The following ARFGEF1 variants were observed in gnomAD, a reference collection of about 807,000 sequenced individuals.
ARFGEF1 encodes ARF guanine nucleotide exchange factor 1.
ARFGEF1 carries 42 observed loss-of-function variants against 231.0 expected under a neutral mutation model. That is an observed-to-expected ratio of 0.18 (90% CI 0.14 to 0.24). The LOEUF is 0.24. Among genes scored for constraint, ARFGEF1 ranks in the 10% least tolerant of loss-of-function variants. The pLI is 1.00. For synonymous variants in ARFGEF1, 710 were observed against 732.3 expected (o/e 0.97, Z 0.49); for missense variants, 1,345 against 2,192.0 (o/e 0.61, Z 7.72).
chr8:67,186,465 C>A (rs1834622664), intron 5 of ARFGEF1, among the ~76,000 whole-genome samples: 1 of 151,424 alleles, frequency 6.6e-6, no homozygotes, highest in Non-Finnish European at 1.5e-5. Context: ...AACTCTATGC[C>A]CACAAATCTG....
chr8:67,184,363 A>G (rs958619450), intron 5 of ARFGEF1, among the ~76,000 whole-genome samples: 3 of 152,208 alleles, frequency 2.0e-5, no homozygotes, highest in African/African-American at 7.2e-5. Flanking sequence ...AATCAATGAA[A>G]CCAAGAGTTA....
intron 22 of ARFGEF1, 23 bp from the exon 23 acceptor site, chr8:67,232,968 A>T (rs374728404): frequency 3.4e-5 from 53 of 1,565,574 alleles, no homozygotes; most frequent in Non-Finnish European, 4.6e-5. Context: ...AAAAAAAGTC[A>T]TTTCAGTTTG....
intron 1 of ARFGEF1, among the ~76,000 whole-genome samples, chr8:67,310,232 C>T (rs1333317954): frequency 3.3e-5 from 5 of 151,152 alleles, no homozygotes; most frequent in South Asian, 2.1e-4. Context: ...CTCAGCCTGC[C>T]GAGTGCCTGC....
intron 30 of ARFGEF1, among the ~76,000 whole-genome samples, chr8:67,218,639 A>G (rs1307873341): frequency 6.6e-6 from 1 of 152,062 alleles, no homozygotes; most frequent in Admixed American, 6.6e-5. Context: ...AGTGTAATTT[A>G]TTTTTTTCAA....
At chr8:67,312,802 A>G (rs1486780716) in intron 1 of ARFGEF1, among the ~76,000 whole-genome samples, 1 of 152,216 alleles carries the variant, frequency 6.6e-6, no homozygotes, top group Non-Finnish European at 1.5e-5. Context: ...AAATGGAGCT[A>G]AGGTTTTTCT....
rs1480632060 is a variant in ARFGEF1, at chr8:67,320,874, T to C, written c.125-18408A>G. ...TACTCGGGAGGCTGAGGCAGGAGAA[T>C]TGCTTGAACCCAGGAAGAGGTTGCA... On this transcript the variant is annotated intron_variant, in intron 1 of 38. Transcript: ENST00000262215. Among the ~76,000 whole-genome samples the C allele has an allele frequency of 3.3e-5, 5 of 152,044 alleles. No homozygotes were observed. In the East Asian group the frequency reaches 7.7e-4, roughly 23 times the overall value.
chr8:67,235,127 T>C (rs1342805779), intron 22 of ARFGEF1, among the ~76,000 whole-genome samples: 2 of 148,970 alleles, frequency 1.3e-5, no homozygotes, highest in Non-Finnish European at 1.5e-5. Flanking sequence ...CACACACGTG[T>C]CAAAATATGT....
intron 1 of ARFGEF1, among the ~76,000 whole-genome samples, chr8:67,319,644 G>A (rs114109770): frequency 0.013 from 1,908 of 152,090 alleles, 42 homozygotes; most frequent in African/African-American, 0.044. Flanking sequence ...GTTTGGATTC[G>A]GCAGAGTTCT....
chr8:67,187,433 C>T (rs1211800020), intron 5 of ARFGEF1, among the ~76,000 whole-genome samples: 1 of 152,048 alleles, frequency 6.6e-6, no homozygotes, highest in Non-Finnish European at 1.5e-5. Context: ...CAGTGGCTCA[C>T]ACCTGTAGTT....
At position 67,278,233 on chromosome 8, in the gene ARFGEF1, T is replaced by C. The variant is rs544979150; in HGVS notation, c.1028-776A>G. On this transcript the variant is annotated intron_variant, in intron 7 of 38. Transcript: ENST00000262215. ...GACACATGCTGTACTATAAGGAACA[T>C]AGATTCTGAAATATTAAAGACCTGT... 1.2e-4 allele frequency among the ~76,000 whole-genome samples: 18 copies of C among 152,250 alleles called. 1 individual carries two copies. The highest frequency in any genetic ancestry group is 1.3e-4 in the Admixed American group (2 of 15,306).
rs1371936566 is a variant in ARFGEF1, at chr8:67,244,274, G to GA, written c.2851-3985dup. Among the ~76,000 whole-genome samples, 4 of 11,706 alleles carry GA rather than the reference G, an allele frequency of 3.4e-4. 2 individuals are homozygous for GA. The highest frequency in any genetic ancestry group is 1.4e-3 in the African/African-American group (2 of 1,456). The allele number at this position is 11,706 out of a possible 152,430, so 7.7% of individuals were successfully genotyped here. A position where few individuals can be genotyped will look rare whatever the true frequency, so the allele number is the denominator to read the frequency against. On this transcript the variant is annotated intron_variant, in intron 19 of 38. Transcript: ENST00000262215. Reference sequence around the variant, plus strand: ...AAAAAAAAAAAAAAAAAAAACATTCGACTACTGAGTCTCTCGTCTCTCTCT... The same window carrying GA: ...AAAAAAAAAAAAAAAAAAAACATTCGAACTACTGAGTCTCTCGTCTCTCTCT...
chr8:67,290,763 C>G (rs1271937822), intron 6 of ARFGEF1, among the ~76,000 whole-genome samples: 1 of 152,078 alleles, frequency 6.6e-6, no homozygotes, highest in Non-Finnish European at 1.5e-5. Flanking sequence ...CAAGGGCAGG[C>G]TAGACAAATG....
chr8:67,284,282 C>T (rs1805658353), intron 7 of ARFGEF1, among the ~76,000 whole-genome samples: 1 of 152,068 alleles, frequency 6.6e-6, no homozygotes, highest in Non-Finnish European at 1.5e-5. Context: ...AACGCCTTTG[C>T]TTACATCTCT....
intron 22 of ARFGEF1, 145 bp downstream of exon 22, chr8:67,238,197 TA>T: frequency 1.3e-6 from 1 of 787,806 alleles, no homozygotes; most frequent in Non-Finnish European, 1.9e-6. Flanking sequence ...AAAAAAGATT[TA>T]GTTCCTTAGT....
At chr8:67,332,123 A>G (rs1808127601) in intron 1 of ARFGEF1, among the ~76,000 whole-genome samples, 1 of 152,230 alleles carries the variant, frequency 6.6e-6, no homozygotes, top group Admixed American at 6.5e-5. Context: ...GAAAATGCAC[A>G]TGAAATATTG....
At chr8:67,295,384 T>C (rs972533466) in intron 5 of ARFGEF1, among the ~76,000 whole-genome samples, 4 of 152,140 alleles carry the variant, frequency 2.6e-5, no homozygotes, top group Admixed American at 6.5e-5. Flanking sequence ...AACCAAGTGA[T>C]CAAGGTTAAC....
At chr8:67,248,022 A>G (rs1010030131) in intron 19 of ARFGEF1, among the ~76,000 whole-genome samples, 1 of 150,316 alleles carries the variant, frequency 6.7e-6, no homozygotes, top group Non-Finnish European at 1.5e-5. Context: ...ACACCAGAAA[A>G]ATTGAAAGAT....
At chr8:67,313,349 T>G (rs984528315) in intron 1 of ARFGEF1, among the ~76,000 whole-genome samples, 11 of 152,240 alleles carry the variant, frequency 7.2e-5, no homozygotes, top group African/African-American at 2.7e-4. Flanking sequence ...TGCGGGATGC[T>G]GACAGGCCTA....
chr8:67,311,630 C>G (rs1465480637), intron 1 of ARFGEF1, among the ~76,000 whole-genome samples: 1 of 149,170 alleles, frequency 6.7e-6, no homozygotes, highest in African/African-American at 2.5e-5. Context: ...TCAGCCCCCC[C>G]GCCCAGCCAG....
Sources: gnomAD v4.1 joint callset for allele counts (sites outside exome capture counted in the v4.1 genomes callset) on GRCh38, gnomAD v4.1.1 for gene constraint, MANE v1.5 for transcripts, NCBI Gene and HGNC (gene_info 2026-07-23, HGNC 2026-07-21) for gene names.